Variants in MRPS14 observed in about 807,000 individuals in gnomAD.
MRPS14 encodes the protein small ribosomal subunit protein uS14m.
In MRPS14, 14 loss-of-function variants were observed where a neutral mutation model predicts 16.4. That is an observed-to-expected ratio of 0.85 (90% CI 0.56 to 1.33). The LOEUF (loss-of-function observed/expected upper bound fraction) is 1.33. Ranked by LOEUF, MRPS14 falls within the 40% of genes most tolerant of loss-of-function variation. The pLI is 0.00. For missense variants in MRPS14, 162 were observed against 176.8 expected (o/e 0.92, Z 0.48); for synonymous variants, 54 against 61.9 (o/e 0.87, Z 0.60).
rs1251393023 is a variant in MRPS14 at position 175,014,538 on chromosome 1, T to G, written c.*131A>C. 1.3e-6 allele frequency: 1 copy of G among 779,392 alleles called. No homozygotes were observed. Among genetic ancestry groups the G allele is most frequent in the Non-Finnish European group, 1.9e-6 (1 of 513,276 alleles). 48.3% of individuals were successfully genotyped at this position (779,392 alleles called of 1,614,324 possible). On this transcript the variant is annotated 3_prime_UTR_variant, in exon 3 of 3. Coordinates refer to ENST00000476371, the MANE Select transcript of MRPS14 (RefSeq NM_022100.3). The stretch of plus-strand genomic sequence containing the variant: ...CTTCATTTTAAAAGTAGTTTAGAGA[T>G]AGCATCAGGTAGGCCAAACAACTGT...
intron 1 of MRPS14, among the ~76,000 whole-genome samples, chr1:175,020,443 T>A (rs976276986): frequency 1.3e-5 from 2 of 152,236 alleles, no homozygotes; most frequent in African/African-American, 2.4e-5. Context: ...CTTCTATTAG[T>A]TTTTAAAAAT....
intron 2 of MRPS14, among the ~76,000 whole-genome samples, chr1:175,016,596 G>A (rs773875657): frequency 6.6e-6 from 1 of 152,140 alleles, no homozygotes; most frequent in African/African-American, 2.4e-5. Flanking sequence ...AGTCATACCA[G>A]AGACATGTCT....
Position 175,018,494 on chromosome 1 carries a change from A to G in MRPS14, c.128T>C (p.Met43Thr), listed in dbSNP as rs1474344240. The G allele has an allele frequency of 1.3e-5, 21 of 1,613,112 alleles. No individual in the cohort carries two copies. Among genetic ancestry groups the G allele is most frequent in the East Asian group, 6.7e-5 (3 of 44,854 alleles). ...RMWRDVKRRK[M>T]AYEYADERLR... ...CCTCTCATCTGCGTATTCATAGGCC[A>G]TTTTTCGTCTCTTCACATCGCGCCA... is the stretch of plus-strand genomic sequence containing the variant. Residue 43 changes from methionine (M) to threonine (T), a missense_variant, in exon 2 of 3, where the codon ATG (methionine) becomes ACG (threonine). Transcript: ENST00000476371.
chr1:175,014,457 T>C lies in MRPS14; in HGVS notation c.*212A>G, dbSNP rs1672841812. 5.9e-6 allele frequency: 3 copies of C among 512,216 alleles called. No individual in the cohort carries two copies. The highest frequency in any genetic ancestry group is 6.8e-6 in the Non-Finnish European group (2 of 292,756). 31.7% of individuals were successfully genotyped at this position (512,216 alleles called of 1,614,324 possible). Reference sequence around the variant, plus strand: ...CTCTTTGTACTATGTATGGGAACAGTATGTTTGTTAAGTCCAAGAGAAAAG... The same window carrying C: ...CTCTTTGTACTATGTATGGGAACAGCATGTTTGTTAAGTCCAAGAGAAAAG... On this transcript the variant is annotated 3_prime_UTR_variant, in exon 3 of 3. Coordinates refer to ENST00000476371, the MANE Select transcript of MRPS14 (RefSeq NM_022100.3).
At position 175,015,399 on chromosome 1, in the gene MRPS14, C is replaced by G. The variant is rs147412597; in HGVS notation, c.205-548G>C. ...AAGTATGTGAATGTATTTCTGTTGC[C>G]GCCTCATGTTTTTTGAATCACGAAA... On this transcript the variant is annotated intron_variant, in intron 2 of 2. Transcript: ENST00000476371. Among the ~76,000 whole-genome samples, 4 of 152,144 alleles carry G rather than the reference C, an allele frequency of 2.6e-5. No individual in the cohort carries two copies. The East Asian group carries it at 7.7e-4, about 29-fold the overall frequency.
rs765062346 is a variant in MRPS14 at position 175,018,429 on chromosome 1, T to C, written c.193A>G (p.Lys65Glu). Residue 65 changes from lysine to glutamate, a missense_variant, in exon 2 of 3, where the codon AAA (lysine) becomes GAA (glutamate). Lys to Glu is a moderately conservative substitution (Grantham distance 56). Coordinates refer to ENST00000476371, the MANE Select transcript of MRPS14 (RefSeq NM_022100.3). ...NSLRKNTILP[K>E]ILQDVADEEI... The stretch of plus-strand genomic sequence containing the variant: ...CTTAATTAGCTAACCTGAAGAATTT[T>C]TGGCAAAATGGTATTCTTCCTGAGT... 2.5e-6 allele frequency: 4 copies of C among 1,597,788 alleles called. No individual in the cohort carries two copies. Among genetic ancestry groups the C allele is most frequent in the East Asian group, 2.2e-5 (1 of 44,706 alleles).
At chr1:175,018,965 TTGCCCCAC>T (rs1672931830) in intron 1 of MRPS14, among the ~76,000 whole-genome samples, 2 of 152,132 alleles carry the variant, frequency 1.3e-5, no homozygotes, top group Admixed American at 1.3e-4. Context: ...AATGACTCCC[TTGCCCCAC>T]AGGTATCCAC....
Position 175,013,414 on chromosome 1 carries a change from A to C in MRPS14, c.*1255T>G, listed in dbSNP as rs1672818316. On this transcript the variant is annotated 3_prime_UTR_variant, in exon 3 of 3. Transcript: ENST00000476371. ...GACACTTTTATCAGGAACCCAGAGA[A>C]CCATCTTTACCTCTTAGATATAATC... is the stretch of plus-strand genomic sequence containing the variant. 1 of 152,180 alleles carries C rather than the reference A, an allele frequency of 6.6e-6. No individual in the cohort carries two copies. Among genetic ancestry groups the C allele is most frequent in the Admixed American group, 6.5e-5 (1 of 15,274 alleles). The allele number at this position is 152,180 out of a possible 1,614,324, so 9.4% of individuals were successfully genotyped here.
At chr1:175,018,934 C>G (rs919236054) in intron 1 of MRPS14, among the ~76,000 whole-genome samples, 2 of 152,234 alleles carry the variant, frequency 1.3e-5, no homozygotes, top group Non-Finnish European at 2.9e-5. Context: ...AGTCTCCCCC[C>G]ACCTCATTCC....
In MRPS14 at chr1:175,014,324, G is replaced by T; in HGVS notation, c.*345C>A. The T allele has an allele frequency of 2.6e-6, 1 of 387,772 alleles. No individual in the cohort carries two copies. Among genetic ancestry groups the T allele is most frequent in the South Asian group, 1.3e-4 (1 of 7,546 alleles). 24.0% of individuals were successfully genotyped at this position (387,772 alleles called of 1,614,324 possible). On this transcript the variant is annotated 3_prime_UTR_variant, in exon 3 of 3. Transcript: ENST00000476371. ...AATTAGTTGGATTATGTATAAGATA[G>T]CATTTTATGAAATAATGCTCTTAAT...
intron 2 of MRPS14, among the ~76,000 whole-genome samples, chr1:175,016,704 T>C (rs1196590075): frequency 1.6e-4 from 25 of 152,256 alleles, no homozygotes. Context: ...GCATACAATG[T>C]CATGATTTGC....
chr1:175,013,635 A>T lies in MRPS14; in HGVS notation c.*1034T>A, dbSNP rs1672824264. On this transcript the variant is annotated 3_prime_UTR_variant, in exon 3 of 3. Coordinates refer to ENST00000476371, the MANE Select transcript of MRPS14 (RefSeq NM_022100.3). ...CAGCTGTCACTTACCTGTATTACAA[A>T]CTGATGATGTCATTCCTGTGCTTAA... is the stretch of plus-strand genomic sequence containing the variant. 1 of 152,144 alleles carries T rather than the reference A, an allele frequency of 6.6e-6. No individual in the cohort carries two copies. The highest frequency in any genetic ancestry group is 2.4e-5 in the African/African-American group (1 of 41,418). 9.4% of individuals were successfully genotyped at this position (152,144 alleles called of 1,614,324 possible). A position where few individuals can be genotyped will look rare whatever the true frequency, so the allele number is the denominator to read the frequency against.
intron 1 of MRPS14, among the ~76,000 whole-genome samples, chr1:175,020,540 C>T (rs1055684859): frequency 6.6e-6 from 1 of 151,886 alleles, no homozygotes; most frequent in African/African-American, 2.4e-5. Context: ...CGGAGTTTTG[C>T]TCTTGTTGCC....
At chr1:175,014,911 C>A in intron 2 of MRPS14, 60 bp from the exon 3 acceptor site, 1 of 1,474,456 alleles carries the variant, frequency 6.8e-7, no homozygotes, top group Non-Finnish European at 9.2e-7. Flanking sequence ...TATTTTGCTC[C>A]TTCTCACTTG....
At position 175,018,567 on chromosome 1, in the gene MRPS14, A is replaced by C; in HGVS notation, c.55T>G (p.Ser19Ala). 1 of 1,597,056 alleles carries C rather than the reference A, an allele frequency of 6.3e-7. No homozygotes were observed. The highest frequency in any genetic ancestry group is 8.5e-7 in the Non-Finnish European group (1 of 1,174,366). The change falls in exon 2 of 3, where the codon TCA (serine) becomes GCA (alanine). Residue 19 changes from serine (S) to alanine (A), a missense_variant. Physicochemically the swap from Ser to Ala is moderately conservative, Grantham distance 99 (BLOSUM62 1). Coordinates refer to ENST00000476371, the MANE Select transcript of MRPS14 (RefSeq NM_022100.3). The stretch of plus-strand genomic sequence containing the variant: ...CTTCGAACTTGGCCTGAAGCTGATG[A>C]AGGAACCATCTGAAAGACAGAGACA... Reference protein sequence around the residue: ...LLRTFKQMVPSSASGQVRSHY... With the variant: ...LLRTFKQMVPASASGQVRSHY...
chr1:175,014,543 T>C lies in MRPS14; in HGVS notation c.*126A>G. On this transcript the variant is annotated 3_prime_UTR_variant, in exon 3 of 3. Transcript: ENST00000476371. Reference sequence around the variant, plus strand: ...TTTTAAAAGTAGTTTAGAGATAGCATCAGGTAGGCCAAACAACTGTACTGG... The same window carrying C: ...TTTTAAAAGTAGTTTAGAGATAGCACCAGGTAGGCCAAACAACTGTACTGG... The C allele has an allele frequency of 1.2e-6, 1 of 842,898 alleles. No individual in the cohort carries two copies. The highest frequency in any genetic ancestry group is 1.8e-6 in the Non-Finnish European group (1 of 566,572). 52.2% of individuals were successfully genotyped at this position (842,898 alleles called of 1,614,324 possible). A position where few individuals can be genotyped will look rare whatever the true frequency, so the allele number is the denominator to read the frequency against.
intron 2 of MRPS14, 29 bp from the exon 3 acceptor site, chr1:175,014,880 C>G: frequency 6.3e-7 from 1 of 1,598,054 alleles, no homozygotes; most frequent in Non-Finnish European, 8.5e-7. Flanking sequence ...TTACACAGAT[C>G]ACATTACATT....
In MRPS14 at chr1:175,014,806, G is replaced by T. The variant is rs1221591774; in HGVS notation, c.250C>A (p.Pro84Thr). The T allele has an allele frequency of 7.4e-6, 12 of 1,614,040 alleles. No homozygotes were observed. Among genetic ancestry groups the T allele is most frequent in the Non-Finnish European group, 1.0e-5 (12 of 1,180,016 alleles). Residue 84 changes from proline (P) to threonine (T), a missense_variant, in exon 3 of 3, where the codon CCT (proline) becomes ACT (threonine). Pro to Thr is a conservative substitution (Grantham distance 38). Transcript: ENST00000476371. ...ACACACCGATTTCTGATTCTAACAG[G>T]ACAGCTATCCCGGGGGAGGGCAGCA... ...EIAALPRDSC[P>T]VRIRNRCVMT...
chr1:175,022,347 G>A (rs1368937965), intron 1 of MRPS14: 1 of 150,782 alleles, frequency 6.6e-6, no homozygotes, highest in Admixed American at 6.6e-5. Context: ...TTACACATGT[G>A]GTTCACATTA....
Sources: gnomAD v4.1 joint callset for allele counts (sites outside exome capture counted in the v4.1 genomes callset) on GRCh38, gnomAD v4.1.1 for gene constraint, MANE v1.5 for transcripts, NCBI Gene and HGNC (gene_info 2026-07-23, HGNC 2026-07-21) for gene names.